The following PCDHGA9 variants were observed in gnomAD, a reference collection of about 807,000 sequenced individuals.
PCDHGA9 encodes the protein protocadherin gamma-A9.
Under a neutral mutation model 62.5 loss-of-function variants are expected in PCDHGA9, and 37 were observed. The ratio of observed to expected loss-of-function variants is 0.59; its 90% CI spans 0.46 to 0.78. PCDHGA9 has a LOEUF of 0.78. Among genes scored for constraint, PCDHGA9 ranks in the 30% least tolerant of loss-of-function variants. The pLI is 0.00. For synonymous variants in PCDHGA9, 459 were observed against 484.6 expected, an observed-to-expected ratio of 0.95 and a Z score of 0.69; for missense variants, 1,138 against 1,166.2, an observed-to-expected ratio of 0.98 and a Z score of 0.35.
rs763950254 is a variant in PCDHGA9, at chr5:141,403,188, C to G, written c.236C>G (p.Pro79Arg). ...AGGACGCAGCTTTTCTCTCTGAACCCGCGCAGCGGCACCTTGGTCACCGCG... is the reference window on the plus strand; with the variant it reads ...AGGACGCAGCTTTTCTCTCTGAACCGGCGCAGCGGCACCTTGGTCACCGCG... ...RGRTQLFSLN[P>R]RSGTLVTAGR... is the part of the protein sequence containing the mutation. The change falls in exon 1 of 4, where the codon CCG (proline) becomes CGG (arginine). Residue 79 changes from proline (P) to arginine (R), a missense_variant. Physicochemically the swap from Pro to Arg is moderately radical, Grantham distance 103. Coordinates refer to ENST00000573521, the MANE Select transcript of PCDHGA9 (RefSeq NM_018921.3). 6 of 1,613,968 alleles carry G rather than the reference C, an allele frequency of 3.7e-6. No individual in the cohort carries two copies. Among genetic ancestry groups the G allele is most frequent in the Non-Finnish European group, 4.2e-6 (5 of 1,179,910 alleles).
Position 141,431,222 on chromosome 5 carries a change from C to A in PCDHGA9, c.2424+25846C>A. On this transcript the variant is annotated intron_variant, in intron 1 of 3. Transcript: ENST00000573521. The surrounding 1 kb of genome is among the most constrained non-coding windows in gnomAD (Gnocchi z 4.8). ...AGCCACTGAGATGCGGTTCCCTCTA[C>A]CCCACGCCTGGGATCCGGATATCGG... 3 of 1,614,170 alleles carry A rather than the reference C, an allele frequency of 1.9e-6. No individual in the cohort carries two copies. The highest frequency in any genetic ancestry group is 2.5e-6 in the Non-Finnish European group (3 of 1,180,034).
chr5:141,459,232 G>C (rs1293027771), intron 1 of PCDHGA9, among the ~76,000 whole-genome samples: 1 of 152,152 alleles, frequency 6.6e-6, no homozygotes, highest in Non-Finnish European at 1.5e-5. Context: ...GCAACAACTG[G>C]TCTGCTTCCT....
intron 1 of PCDHGA9, among the ~76,000 whole-genome samples, chr5:141,460,173 A>C (rs2098983888): frequency 6.6e-6 from 1 of 152,004 alleles, no homozygotes; most frequent in Admixed American, 6.6e-5. Flanking sequence ...TATTTTGTGG[A>C]TATTTTATCC....
At chr5:141,442,029 A>C in intron 1 of PCDHGA9, 1 of 210,292 alleles carries the variant, frequency 4.8e-6, no homozygotes, top group Non-Finnish European at 9.8e-6. Context: ...CAGGAAAGCG[A>C]CTCGCCAGCG....
At chr5:141,405,907 T>C (rs1471568204) in intron 1 of PCDHGA9, among the ~76,000 whole-genome samples, 2 of 152,218 alleles carry the variant, frequency 1.3e-5, no homozygotes, top group Non-Finnish European at 2.9e-5. Context: ...AGGAGGCATT[T>C]ATTAGTTATA....
rs774071540 is a variant in PCDHGA9, at chr5:141,511,042, G to A, written c.2668G>A (p.Asp890Asn). 8 of 1,614,064 alleles carry A rather than the reference G, an allele frequency of 5.0e-6. No homozygotes were observed. Among genetic ancestry groups the A allele is most frequent in the Non-Finnish European group, 6.8e-6 (8 of 1,180,016 alleles). Residue 890 changes from aspartate to asparagine, a missense_variant, in exon 4 of 4, where the codon GAC becomes AAC. Physicochemically the swap from Asp to Asn is conservative, Grantham distance 23. Coordinates refer to ENST00000573521, the MANE Select transcript of PCDHGA9 (RefSeq NM_018921.3). Reference sequence around the variant, plus strand: ...CCAGTTCACCCTGCAGCACGTGCCCGACTACCGCCAGAATGTCTACATCCC... The same window carrying A: ...CCAGTTCACCCTGCAGCACGTGCCCAACTACCGCCAGAATGTCTACATCCC... ...GPQFTLQHVPDYRQNVYIPGS... is the reference protein window; with the variant it reads ...GPQFTLQHVPNYRQNVYIPGS...
intron 2 of PCDHGA9, among the ~76,000 whole-genome samples, chr5:141,503,824 C>G (rs1216231770): frequency 1.3e-5 from 2 of 152,058 alleles, no homozygotes; most frequent in South Asian, 4.1e-4. Context: ...TTGGGCAAAA[C>G]CAAAAGCAGG....
chr5:141,494,756 A>G (rs780402065), intron 1 of PCDHGA9, 51 bp from the exon 2 acceptor site: 2 of 1,613,460 alleles, frequency 1.2e-6, no homozygotes, highest in South Asian at 1.1e-5. Context: ...CTCGGGTGAC[A>G]TTCTAACTTC....
At chr5:141,422,888 T>C in intron 1 of PCDHGA9, 2 of 1,614,262 alleles carry the variant, frequency 1.2e-6, no homozygotes, top group South Asian at 2.2e-5. Flanking sequence ...CTGTTCGTGC[T>C]GGACCAGAAC....
intron 1 of PCDHGA9, among the ~76,000 whole-genome samples, chr5:141,420,650 A>G (rs2096512866): frequency 6.6e-6 from 1 of 152,244 alleles, no homozygotes; most frequent in Non-Finnish European, 1.5e-5. Context: ...TGTAAGAATT[A>G]TAGTTAGGCA....
intron 1 of PCDHGA9, among the ~76,000 whole-genome samples, chr5:141,492,711 C>T (rs927567393): frequency 4.6e-5 from 7 of 152,254 alleles, no homozygotes; most frequent in East Asian, 3.8e-4. Flanking sequence ...AAGCCTCGAG[C>T]AGGCGGACAG....
intron 1 of PCDHGA9, among the ~76,000 whole-genome samples, chr5:141,470,729 G>T (rs1253040487): frequency 6.6e-6 from 1 of 152,102 alleles, no homozygotes; most frequent in Non-Finnish European, 1.5e-5. Context: ...TCAGGGTCTT[G>T]CTCTGTCGCC....
chr5:141,424,616 T>C (rs1487572877), intron 1 of PCDHGA9: 1 of 152,152 alleles, frequency 6.6e-6, no homozygotes, highest in Non-Finnish European at 1.5e-5. Flanking sequence ...TCAAATAGAG[T>C]AGTTTGTGAA....
chr5:141,428,381 C>T, intron 1 of PCDHGA9: 1 of 516,406 alleles, frequency 1.9e-6, no homozygotes, highest in Non-Finnish European at 3.6e-6. Context: ...CTGCGATGCT[C>T]TTCCAGCCCC....
rs558951022 is a variant in PCDHGA9 at position 141,501,554 on chromosome 5, C to T, written c.2484-3839C>T. On this transcript the variant is annotated intron_variant, in intron 2 of 3. Coordinates refer to ENST00000573521, the MANE Select transcript of PCDHGA9 (RefSeq NM_018921.3). ...CGTTGTTGTGCATAAGATCATAGGC[C>T]CTGGAATCATATTAGGCTGGCTTTC... is the stretch of plus-strand genomic sequence containing the variant. Among the ~76,000 whole-genome samples the T allele has an allele frequency of 3.3e-5, 5 of 152,044 alleles. No homozygotes were observed. In the East Asian group the frequency reaches 7.8e-4, roughly 24 times the overall value.
Position 141,487,315 on chromosome 5 carries a change from G to C in PCDHGA9, c.2425-7492G>C, listed in dbSNP as rs568326280. On this transcript the variant is annotated intron_variant, in intron 1 of 3. Transcript: ENST00000573521. The surrounding 1 kb of genome is among the most constrained non-coding windows in gnomAD (Gnocchi z 5.0). ...GCTCATTCGTGGCACTACTCTCTAA[G>C]TGTCTTCGTGGGGCAGCCTGTGGAG... 6.2e-7 allele frequency: 1 copy of C among 1,614,166 alleles called. No individual in the cohort carries two copies. Among genetic ancestry groups the C allele is most frequent in the Admixed American group, 1.7e-5 (1 of 60,028 alleles).
chr5:141,436,487 A>G (rs2097826897), intron 1 of PCDHGA9, among the ~76,000 whole-genome samples: 2 of 152,196 alleles, frequency 1.3e-5, no homozygotes, highest in Non-Finnish European at 2.9e-5. Context: ...GAAGGATAGC[A>G]GCTTTGCAAT....
chr5:141,454,657 CG>C (rs1313292109), intron 1 of PCDHGA9, among the ~76,000 whole-genome samples: 1 of 152,074 alleles, frequency 6.6e-6, no homozygotes, highest in Admixed American at 6.6e-5. Flanking sequence ...CTGCCCACCT[CG>C]GCCTCCCAAA....
At position 141,486,447 on chromosome 5, in the gene PCDHGA9, T is replaced by A. The variant is rs1452869378; in HGVS notation, c.2425-8360T>A. 6.2e-7 allele frequency: 1 copy of A among 1,614,058 alleles called. No individual in the cohort carries two copies. The highest frequency in any genetic ancestry group is 1.7e-5 in the Admixed American group (1 of 60,012). On this transcript the variant is annotated intron_variant, in intron 1 of 3. Coordinates refer to ENST00000573521, the MANE Select transcript of PCDHGA9 (RefSeq NM_018921.3). This position sits in a 1 kb window ranked among gnomAD's most constrained non-coding sequence, Gnocchi z 5.0. Reference sequence around the variant, plus strand: ...GCCAAATCTAGCTATGACATCATGGTCACTGCTTCTGATGCTGGGAACCCT... The same window carrying A: ...GCCAAATCTAGCTATGACATCATGGACACTGCTTCTGATGCTGGGAACCCT...
Sources: allele counts gnomAD v4.1 joint callset (sites outside exome capture counted in the v4.1 genomes callset), GRCh38; gene constraint gnomAD v4.1.1; non-coding constraint Gnocchi (gnomAD v3.1); transcripts MANE v1.5; gene names NCBI Gene and HGNC (gene_info 2026-07-23, HGNC 2026-07-21).